PTPRG: variants seen among roughly 807,000 people sequenced by gnomAD.
PTPRG encodes the protein protein tyrosine phosphatase receptor type G, also known as receptor-type tyrosine-protein phosphatase gamma.
In PTPRG, 102 loss-of-function variants were observed where a neutral mutation model predicts 165.3. The observed-to-expected ratio is 0.62, with a 90% CI of 0.53 to 0.73. The LOEUF is 0.73. PTPRG is among the 30% of genes least tolerant of loss of function. PTPRG has a pLI of 0.00. For synonymous variants in PTPRG, 675 were observed against 669.5 expected, an observed-to-expected ratio of 1.01 and a Z score of -0.13; for missense variants, 1,866 against 1,861.4, an observed-to-expected ratio of 1.00 and a Z score of -0.05.
At chr3:61,923,123 A>T (rs868026102) in intron 2 of PTPRG, among the ~76,000 whole-genome samples, 1 of 133,758 alleles carries the variant, frequency 7.5e-6, no homozygotes, top group Non-Finnish European at 1.7e-5. Flanking sequence ...CTTAGTAGGT[A>T]CTGATTAAAA....
intron 2 of PTPRG, among the ~76,000 whole-genome samples, chr3:61,887,408 T>C (rs2038081770): frequency 6.6e-6 from 1 of 151,998 alleles, no homozygotes; most frequent in African/African-American, 2.4e-5. Context: ...ACTTTGAAGA[T>C]TTTCTCACTT....
intron 1 of PTPRG, among the ~76,000 whole-genome samples, chr3:61,693,868 C>T (rs1345462409): frequency 6.6e-6 from 1 of 151,912 alleles, no homozygotes; most frequent in Non-Finnish European, 1.5e-5. Flanking sequence ...ATTAGCCAGG[C>T]ATGGCAGCGG....
rs2040429602 is a variant in PTPRG at position 61,973,475 on chromosome 3, C to A, written c.191-16150C>A. ...ACTGGCAAGCTGTGGATCTTAACTT[C>A]AGTTTCCTATTAATCGTATTTTTTA... On this transcript the variant is annotated intron_variant, in intron 2 of 29. Coordinates refer to ENST00000474889, the MANE Select transcript of PTPRG (RefSeq NM_002841.4). Among the ~76,000 whole-genome samples, 3 of 152,166 alleles carry A rather than the reference C, an allele frequency of 2.0e-5. No homozygotes were observed. In the South Asian group the frequency reaches 6.2e-4, roughly 32 times the overall value.
At chr3:61,701,924 G>C (rs1191241750) in intron 1 of PTPRG, among the ~76,000 whole-genome samples, 1 of 152,060 alleles carries the variant, frequency 6.6e-6, no homozygotes, top group Non-Finnish European at 1.5e-5. Flanking sequence ...AGAGGAAGGA[G>C]AGGGAGGAAG....
chr3:61,911,532 A>T (rs1475826928), intron 2 of PTPRG, among the ~76,000 whole-genome samples: 1 of 152,200 alleles, frequency 6.6e-6, no homozygotes, highest in Non-Finnish European at 1.5e-5. Context: ...ACTTAAATAC[A>T]TATCTTTCTG....
At chr3:62,278,471 T>G (rs114173789) in intron 26 of PTPRG, among the ~76,000 whole-genome samples, 3 of 152,128 alleles carry the variant, frequency 2.0e-5, no homozygotes. Context: ...TGCTTAGATC[T>G]TGTGGATACT....
At chr3:61,589,239 G>A (rs1016426779) in intron 1 of PTPRG, among the ~76,000 whole-genome samples, 4 of 152,106 alleles carry the variant, frequency 2.6e-5, no homozygotes. Context: ...CACCACAATG[G>A]AAGAATGCTG....
chr3:61,663,811 A>G (rs1702733274), intron 1 of PTPRG, among the ~76,000 whole-genome samples: 1 of 152,026 alleles, frequency 6.6e-6, no homozygotes, highest in African/African-American at 2.4e-5. Flanking sequence ...ACAGCCCATA[A>G]TAGAATTTTT....
intron 2 of PTPRG, among the ~76,000 whole-genome samples, chr3:61,820,603 G>GTTTTTTTTTTTT (rs11329820): frequency 9.1e-5 from 6 of 65,730 alleles, no homozygotes; most frequent in South Asian, 7.1e-4. Flanking sequence ...CTGTGTCTCT[G>GTTTTTTTTTTTT]TTTTTTTTTT....
intron 28 of PTPRG, among the ~76,000 whole-genome samples, chr3:62,289,555 A>AAACTT (rs1171246772): frequency 9.2e-5 from 14 of 152,286 alleles, no homozygotes; most frequent in Admixed American, 2.0e-4. Context: ...ACATCATGAA[A>AAACTT]AACTTATCCT....
intron 14 of PTPRG, among the ~76,000 whole-genome samples, chr3:62,232,639 C>T (rs554217407): frequency 6.6e-6 from 1 of 152,254 alleles, no homozygotes; most frequent in East Asian, 1.9e-4. Context: ...ATGATGTAGC[C>T]TGCCAGACTA....
At chr3:61,667,029 A>T (rs530894453) in intron 1 of PTPRG, among the ~76,000 whole-genome samples, 1 of 152,354 alleles carries the variant, frequency 6.6e-6, no homozygotes, top group East Asian at 1.9e-4. Flanking sequence ...TTAATAATTT[A>T]AAAAGTACTT....
chr3:61,715,154 A>G (rs561072999), intron 1 of PTPRG, among the ~76,000 whole-genome samples: 9 of 151,056 alleles, frequency 6.0e-5, no homozygotes, highest in Non-Finnish European at 1.0e-4. Flanking sequence ...TACAGAGAGA[A>G]TCATCTCCTG....
At chr3:62,179,059 A>G (rs1231095446) in intron 8 of PTPRG, among the ~76,000 whole-genome samples, 1 of 151,894 alleles carries the variant, frequency 6.6e-6, no homozygotes, top group Non-Finnish European at 1.5e-5. Flanking sequence ...CATTCATCCC[A>G]CTCATTATTC....
intron 1 of PTPRG, among the ~76,000 whole-genome samples, chr3:61,692,616 G>T (rs931471169): frequency 1.2e-4 from 18 of 152,136 alleles, no homozygotes; most frequent in African/African-American, 4.1e-4. Flanking sequence ...TAGGATTTGG[G>T]TAGGTAAAGG....
chr3:61,748,552 A>G (rs144907347), intron 1 of PTPRG, among the ~76,000 whole-genome samples: 6 of 152,262 alleles, frequency 3.9e-5, no homozygotes, highest in African/African-American at 1.4e-4. Flanking sequence ...TTGCTTATCC[A>G]TAAAAGGGCC....
intron 28 of PTPRG, among the ~76,000 whole-genome samples, chr3:62,288,163 T>C (rs905371592): frequency 7.0e-6 from 1 of 142,142 alleles, no homozygotes. Flanking sequence ...AAAAACAGCC[T>C]GTGTAAACTC....
At chr3:62,268,662 C>T (rs1359245232) in intron 19 of PTPRG, among the ~76,000 whole-genome samples, 4 of 152,184 alleles carry the variant, frequency 2.6e-5, no homozygotes, top group Non-Finnish European at 4.4e-5. Context: ...GAATCCAACC[C>T]GGCCTTCCAA....
intron 6 of PTPRG, among the ~76,000 whole-genome samples, chr3:62,135,463 G>T (rs1401050236): frequency 1.3e-5 from 2 of 152,042 alleles, no homozygotes; most frequent in Non-Finnish European, 2.9e-5. Flanking sequence ...GATTTCTGTT[G>T]CAGTTCAGAA....
Sources: gnomAD v4.1 joint callset for allele counts (sites outside exome capture counted in the v4.1 genomes callset) on GRCh38, gnomAD v4.1.1 for gene constraint, MANE v1.5 for transcripts, NCBI Gene and HGNC (gene_info 2026-07-23, HGNC 2026-07-21) for gene names.